ZFPM1: variants seen among roughly 807,000 people sequenced by gnomAD.
ZFPM1 encodes the protein zinc finger protein, FOG family member 1.
Under a neutral mutation model 46.3 loss-of-function variants are expected in ZFPM1, and 28 were observed. That is an observed-to-expected ratio of 0.60 (90% CI 0.45 to 0.83). The LOEUF (loss-of-function observed/expected upper bound fraction) is 0.83, where lower values mean the gene tolerates loss of function less well. Ranked by LOEUF, ZFPM1 falls within the 40% of genes least tolerant of loss-of-function variation. The probability of loss-of-function intolerance (pLI) is 0.00; values close to 1 mark genes in which losing one functional copy is unlikely to be tolerated. For missense variants in ZFPM1, 1,878 were observed against 1,432.4 expected (o/e 1.31, Z -5.02); for synonymous variants, 957 against 675.9 (o/e 1.42, Z -6.45).
At chr16:88,463,420 G>A (rs920584776) in intron 1 of ZFPM1, among the ~76,000 whole-genome samples, 6 of 152,230 alleles carry the variant, frequency 3.9e-5, no homozygotes, top group Non-Finnish European at 5.9e-5. Context: ...TCCCCCGGAT[G>A]TGACCCCAGG....
At chr16:88,467,265 AG>A (rs1333950777) in intron 1 of ZFPM1, among the ~76,000 whole-genome samples, 1 of 152,106 alleles carries the variant, frequency 6.6e-6, no homozygotes, top group Non-Finnish European at 1.5e-5. Flanking sequence ...GCAAACAAGC[AG>A]GGGGTACAGC....
chr16:88,489,088 T>A lies in ZFPM1; in HGVS notation c.203T>A (p.Leu68Gln), dbSNP rs1168355783. ...ACATCCCCAGGAGGCCCCAAGGAGC[T>A]GGAAGGACAGGAACCAGAACCCAGG... ...PPTSPGGPKE[L>Q]EGQEPEPRPT... The change falls in exon 3 of 10, where the codon CTG becomes CAG. Residue 68 changes from leucine to glutamine, a missense_variant. By Grantham distance (113) the Leu-to-Gln change is moderately radical. Coordinates refer to ENST00000319555, the MANE Select transcript of ZFPM1 (RefSeq NM_153813.3). 1.2e-6 allele frequency: 2 copies of A among 1,612,912 alleles called. No individual in the cohort carries two copies. The highest frequency in any genetic ancestry group is 3.3e-5 in the Admixed American group (2 of 59,978).
chr16:88,519,603 GATGGGAGAGTGGGTGGATGC>G (rs908815648), intron 4 of ZFPM1, among the ~76,000 whole-genome samples: 2 of 146,598 alleles, frequency 1.4e-5, no homozygotes. Context: ...TGGATGGATG[GATGGGAGAGTGGGTGGATGC>G]ATGATTAGGT....
chr16:88,534,321 G>T lies in ZFPM1; in HGVS notation c.2363G>T (p.Gly788Val). ...GPGLAPARSPGPAADGPIDLS... is the reference protein window; with the variant it reads ...GPGLAPARSPVPAADGPIDLS... ...GGCCTCGCCCCTGCGCGCTCGCCCGGCCCCGCGGCCGACGGCCCCATCGAC... is the reference window on the plus strand; with the variant it reads ...GGCCTCGCCCCTGCGCGCTCGCCCGTCCCCGCGGCCGACGGCCCCATCGAC... The change falls in exon 10 of 10, where the codon GGC becomes GTC. Residue 788 changes from glycine to valine, a missense_variant. Transcript: ENST00000319555. 40 of 1,334,812 alleles carry T rather than the reference G, an allele frequency of 3.0e-5. No homozygotes were observed. Among genetic ancestry groups the T allele is most frequent in the Non-Finnish European group, 3.6e-5 (38 of 1,044,684 alleles). The allele number at this position is 1,334,812 out of a possible 1,614,324, so 82.7% of individuals were successfully genotyped here.
At position 88,453,499 on chromosome 16, in the gene ZFPM1, TG is replaced by T; in HGVS notation, c.-135del. The T allele has an allele frequency of 4.0e-6, 1 of 251,940 alleles. No homozygotes were observed. The highest frequency in any genetic ancestry group is 6.0e-6 in the Non-Finnish European group (1 of 167,566). 15.6% of individuals were successfully genotyped at this position (251,940 alleles called of 1,614,324 possible). Reference sequence around the variant, plus strand: ...CGGCTCCGGGGCTGGGCGCGCGGGCTGGGGGCGCGGGCCGGGGCGGCCGCGG... The same window carrying T: ...CGGCTCCGGGGCTGGGCGCGCGGGCTGGGGCGCGGGCCGGGGCGGCCGCGG... On this transcript the variant is annotated 5_prime_UTR_variant, in exon 1 of 10. Transcript: ENST00000319555.
At chr16:88,490,725 G>A (rs1054198829) in intron 3 of ZFPM1, among the ~76,000 whole-genome samples, 5 of 152,184 alleles carry the variant, frequency 3.3e-5, no homozygotes, top group Admixed American at 1.3e-4. Context: ...AGGATGACCC[G>A]GCCCCATGGG....
In ZFPM1 at chr16:88,469,111, G is replaced by T. The variant is rs116071369; in HGVS notation, c.40+15433G>T. 5,258 of 154,242 alleles carry T rather than the reference G, an allele frequency of 0.034. 103 individuals carry two copies. Among genetic ancestry groups the T allele is most frequent in the Non-Finnish European group, 0.041 (2,820 of 68,206 alleles). 9.6% of individuals were successfully genotyped at this position (154,242 alleles called of 1,614,324 possible). ...CGAGTTTCACAACCCGGCAGGGACG[G>T]CCCTGGGGCCAGCCAGCCTCCCACC... On this transcript the variant is annotated intron_variant, in intron 1 of 9. Transcript: ENST00000319555. The surrounding 1 kb of genome is among the most constrained non-coding windows in gnomAD (Gnocchi z 4.3).
chr16:88,462,751 TGGG>T (rs1181025549), intron 1 of ZFPM1, among the ~76,000 whole-genome samples: 4 of 152,174 alleles, frequency 2.6e-5, no homozygotes, highest in African/African-American at 9.7e-5. Context: ...CTCTGCAAAG[TGGG>T]GGTATCGTAA....
intron 3 of ZFPM1, among the ~76,000 whole-genome samples, chr16:88,505,668 G>T (rs1229416283): frequency 1.3e-5 from 2 of 152,180 alleles, no homozygotes; most frequent in East Asian, 3.9e-4. Context: ...CCTGGAGCCA[G>T]CACCCCCTGC....
At chr16:88,527,781 C>T (rs548226198) in intron 5 of ZFPM1, among the ~76,000 whole-genome samples, 1 of 151,740 alleles carries the variant, frequency 6.6e-6, no homozygotes, top group East Asian at 2.0e-4. Flanking sequence ...TCATCCCTTT[C>T]CTGGGAGACT....
At chr16:88,524,176 T>G (rs1912132393) in intron 4 of ZFPM1, among the ~76,000 whole-genome samples, 1 of 152,190 alleles carries the variant, frequency 6.6e-6, no homozygotes, top group African/African-American at 2.4e-5. Flanking sequence ...TTCACCCTCC[T>G]CTGCTCATTA....
At position 88,510,533 on chromosome 16, in the gene ZFPM1, C is replaced by T. The variant is rs76791888; in HGVS notation, c.269-3854C>T. ...GGGGTGAAATTGAATCCCAGCACAG[C>T]GTGTTTGTTCTGGAAATGGCGTGTG... On this transcript the variant is annotated intron_variant, in intron 3 of 9. Transcript: ENST00000319555. Among the ~76,000 whole-genome samples, 610 of 152,362 alleles carry T rather than the reference C, an allele frequency of 4.0e-3. 29 individuals carry two copies. In the East Asian group the frequency reaches 0.09, roughly 22 times the overall value.
chr16:88,500,929 C>T (rs921660264), intron 3 of ZFPM1, among the ~76,000 whole-genome samples: 1 of 152,248 alleles, frequency 6.6e-6, no homozygotes, highest in Non-Finnish European at 1.5e-5. Context: ...GTACAGCGGG[C>T]CCTCCCTGTG....
At chr16:88,514,930 C>T (rs1035970639) in intron 4 of ZFPM1, among the ~76,000 whole-genome samples, 14 of 152,296 alleles carry the variant, frequency 9.2e-5, no homozygotes, top group Admixed American at 4.6e-4. Flanking sequence ...ACTCTTCTGA[C>T]GACAGGCACG....
chr16:88,467,856 G>A (rs1908209173), intron 1 of ZFPM1, among the ~76,000 whole-genome samples: 1 of 152,264 alleles, frequency 6.6e-6, no homozygotes, highest in East Asian at 1.9e-4. Context: ...TGATAAAAAA[G>A]GGCGATGCGT....
chr16:88,497,427 C>T lies in ZFPM1; in HGVS notation c.268+8274C>T, dbSNP rs1223545436. Among the ~76,000 whole-genome samples the T allele has an allele frequency of 7.8e-6, 1 of 128,574 alleles. No individual in the cohort carries two copies. The highest frequency in any genetic ancestry group is 3.0e-5 in the African/African-American group (1 of 33,014). The allele number at this position is 128,574 out of a possible 152,430, so 84.3% of individuals were successfully genotyped here. Reference sequence around the variant, plus strand: ...GGGGTTCAGAGGGGTCAGGGTGGGGCTCAGGGCCTGGGCGGGGATGGGGTT... The same window carrying T: ...GGGGTTCAGAGGGGTCAGGGTGGGGTTCAGGGCCTGGGCGGGGATGGGGTT... On this transcript the variant is annotated intron_variant, in intron 3 of 9. Transcript: ENST00000319555. This position sits in a 1 kb window ranked among gnomAD's most constrained non-coding sequence, Gnocchi z 5.4.
chr16:88,490,069 T>TG (rs1378394481), intron 3 of ZFPM1, among the ~76,000 whole-genome samples: 1 of 151,482 alleles, frequency 6.6e-6, no homozygotes, highest in African/African-American at 2.4e-5. Flanking sequence ...TTTTTTTTTT[T>TG]TTGAGATGGA....
intron 1 of ZFPM1, among the ~76,000 whole-genome samples, chr16:88,482,340 C>T (rs936370299): frequency 2.0e-5 from 3 of 152,066 alleles, no homozygotes; most frequent in East Asian, 1.9e-4. Flanking sequence ...TCTCAGACAC[C>T]GAGGCAGGCC....
chr16:88,500,476 C>T (rs758846552), intron 3 of ZFPM1, among the ~76,000 whole-genome samples: 5 of 152,274 alleles, frequency 3.3e-5, no homozygotes, highest in Non-Finnish European at 4.4e-5. Flanking sequence ...AGCGTGGGCA[C>T]CGTGACTGTC....
Sources: allele counts gnomAD v4.1 joint callset (sites outside exome capture counted in the v4.1 genomes callset), GRCh38; gene constraint gnomAD v4.1.1; non-coding constraint Gnocchi (gnomAD v3.1); transcripts MANE v1.5; gene names NCBI Gene and HGNC (gene_info 2026-07-23, HGNC 2026-07-21).